The following DNAAF4 variants were observed in gnomAD, a reference collection of about 807,000 sequenced individuals.
The protein encoded by DNAAF4 is dynein assembly factor 4, axonemal.
DNAAF4 carries 43 observed loss-of-function variants against 51.8 expected under a neutral mutation model. The ratio of observed to expected loss-of-function variants is 0.83; its 90% CI spans 0.65 to 1.07. The LOEUF is 1.07. Among genes scored for constraint, DNAAF4 ranks in the 50% least tolerant of loss-of-function variants. The pLI is 0.00. For synonymous variants in DNAAF4, 194 were observed against 165.6 expected (o/e 1.17, Z -1.32); for missense variants, 581 against 493.0 (o/e 1.18, Z -1.69).
At chr15:55,473,187 T>TAA (rs879351208) in intron 4 of DNAAF4, among the ~76,000 whole-genome samples, 3,061 of 27,484 alleles carry the variant, frequency 0.11, 317 homozygotes, top group East Asian at 0.18. Context: ...AAAAAAAACC[T>TAA]AAAAAAAAAA....
At chr15:55,426,418 T>A (rs1291437808), downstream of DNAAF4, among the ~76,000 whole-genome samples, 1 of 152,188 alleles carries the variant, frequency 6.6e-6, no homozygotes, top group Non-Finnish European at 1.5e-5. Context: ...CTATAATCTA[T>A]AAACTAAGTT....
intron 6 of DNAAF4, among the ~76,000 whole-genome samples, chr15:55,445,032 CTT>C (rs35988188): frequency 0.069 from 7,494 of 108,900 alleles, 205 homozygotes; most frequent in South Asian, 0.092. Flanking sequence ...ATTGAATACC[CTT>C]TTTTTTTTTT....
intron 7 of DNAAF4, among the ~76,000 whole-genome samples, chr15:55,421,758 G>A (rs948269166): frequency 4.0e-5 from 6 of 151,796 alleles, no homozygotes; most frequent in African/African-American, 7.3e-5. Flanking sequence ...GCATGGTGGC[G>A]CATGCCTGTA....
chr15:55,431,046 TG>T (rs1025962792), intron 9 of DNAAF4, among the ~76,000 whole-genome samples: 2 of 151,968 alleles, frequency 1.3e-5, no homozygotes, highest in African/African-American at 2.4e-5. Flanking sequence ...CCTGAGTAGC[TG>T]GGACTACAGG....
At chr15:55,450,764 A>G (rs140191638) in intron 5 of DNAAF4, among the ~76,000 whole-genome samples, 22 of 152,296 alleles carry the variant, frequency 1.4e-4, no homozygotes, top group Non-Finnish European at 2.5e-4. Context: ...ATGCTTTCTT[A>G]TAATAGTGTA....
chr15:55,418,643 C>T (rs987821537), intron 7 of DNAAF4: 2 of 1,017,044 alleles, frequency 2.0e-6, no homozygotes, highest in Non-Finnish European at 2.7e-6. Context: ...GGGTAGAATA[C>T]CTAATAAAGA....
intron 5 of DNAAF4, among the ~76,000 whole-genome samples, chr15:55,454,939 T>G (rs1353709850): frequency 2.6e-5 from 4 of 151,328 alleles, no homozygotes; most frequent in African/African-American, 4.8e-5. Context: ...AGATCCTGTC[T>G]CAAAAAAAAG....
At chr15:55,469,445 C>T (rs1263007688) in intron 4 of DNAAF4, among the ~76,000 whole-genome samples, 1 of 143,056 alleles carries the variant, frequency 7.0e-6, no homozygotes, top group African/African-American at 2.6e-5. Context: ...CATCACGAAA[C>T]TTGTGGGTTT....
At chr15:55,480,993 G>A (rs1012131011) in intron 4 of DNAAF4, among the ~76,000 whole-genome samples, 4 of 152,054 alleles carry the variant, frequency 2.6e-5, no homozygotes, top group Non-Finnish European at 5.9e-5. Flanking sequence ...AGATCTAATG[G>A]TTTTATAAGG....
chr15:55,441,801 T>C (rs2057719124), intron 6 of DNAAF4, among the ~76,000 whole-genome samples: 1 of 152,214 alleles, frequency 6.6e-6, no homozygotes, highest in African/African-American at 2.4e-5. Flanking sequence ...ATTTTCTTTT[T>C]TCTTTTTTAA....
At chr15:55,444,501 G>C (rs1435836644) in intron 6 of DNAAF4, among the ~76,000 whole-genome samples, 1 of 152,106 alleles carries the variant, frequency 6.6e-6, no homozygotes, top group Non-Finnish European at 1.5e-5. Flanking sequence ...TTGTTCTTTT[G>C]GCTTAGGATT....
chr15:55,461,269 C>T (rs899674956), intron 5 of DNAAF4, among the ~76,000 whole-genome samples: 8 of 151,740 alleles, frequency 5.3e-5, no homozygotes, highest in Admixed American at 1.3e-4. Flanking sequence ...GGGGTTTCAC[C>T]GTGTTAGCCA....
In DNAAF4 at chr15:55,498,456, C is replaced by A; in HGVS notation, c.-127G>T. The stretch of plus-strand genomic sequence containing the variant: ...CCGGCCGGGAGCCCGGCGTTCCCAG[C>A]GTGCTCCGGCGCCAGCACCTCGCGG... On this transcript the variant is annotated 5_prime_UTR_variant, in exon 2 of 10. Coordinates refer to ENST00000321149, the MANE Select transcript of DNAAF4 (RefSeq NM_130810.4). 2 of 1,406,900 alleles carry A rather than the reference C, an allele frequency of 1.4e-6. No homozygotes were observed. Among genetic ancestry groups the A allele is most frequent in the Non-Finnish European group, 1.9e-6 (2 of 1,064,958 alleles). The allele number at this position is 1,406,900 out of a possible 1,614,324, so 87.2% of individuals were successfully genotyped here.
At chr15:55,484,600 G>A (rs910111924) in intron 4 of DNAAF4, among the ~76,000 whole-genome samples, 3 of 151,942 alleles carry the variant, frequency 2.0e-5, no homozygotes, top group Non-Finnish European at 2.9e-5. Context: ...TTTTATACTC[G>A]TGTATATTAG....
chr15:55,429,280 G>C (rs545825021), downstream of DNAAF4, among the ~76,000 whole-genome samples: 3 of 151,672 alleles, frequency 2.0e-5, no homozygotes, highest in Admixed American at 6.6e-5. Context: ...TGCACTTTGG[G>C]AGGCCGAGGC....
At chr15:55,504,909 A>C (rs1379775958) in intron 1 of DNAAF4, among the ~76,000 whole-genome samples, 3 of 152,232 alleles carry the variant, frequency 2.0e-5, no homozygotes, top group African/African-American at 7.2e-5. Flanking sequence ...ACAAAAGCCA[A>C]AATTGACAAA....
rs375847604 is a variant in DNAAF4 at position 55,430,704 on chromosome 15, C to T, written c.1229G>A (p.Arg410Gln). 18 of 1,612,868 alleles carry T rather than the reference C, an allele frequency of 1.1e-5. No individual in the cohort carries two copies. The East Asian group carries it at 2.9e-4, about 26-fold the overall frequency. The change falls in exon 10 of 10, where the codon CGG becomes CAG. Residue 410 changes from arginine (R) to glutamine (Q), a missense_variant. Physicochemically the swap from Arg to Gln is conservative, Grantham distance 43. Coordinates refer to ENST00000321149, the MANE Select transcript of DNAAF4 (RefSeq NM_130810.4). ...KIVQIDAEKI[R>Q]NVIQGTELKS Reference sequence around the variant, plus strand: ...TAGTTCTGTTCCTTGAATTACATTCCGAATCTTCTCAGCATCAATTTGTAC... The same window carrying T: ...TAGTTCTGTTCCTTGAATTACATTCTGAATCTTCTCAGCATCAATTTGTAC...
At chr15:55,442,410 C>T (rs1389521429) in intron 6 of DNAAF4, among the ~76,000 whole-genome samples, 2 of 152,196 alleles carry the variant, frequency 1.3e-5, no homozygotes, top group Admixed American at 6.5e-5. Context: ...TGAGCCACAG[C>T]GCCCTGACTG....
intron 5 of DNAAF4, among the ~76,000 whole-genome samples, chr15:55,450,740 A>C (rs1236005102): frequency 6.6e-6 from 1 of 152,142 alleles, no homozygotes; most frequent in Admixed American, 6.6e-5. Flanking sequence ...TCTCCTACAT[A>C]CTTTATCTCC....
Sources: allele counts gnomAD v4.1 joint callset (sites outside exome capture counted in the v4.1 genomes callset), GRCh38; gene constraint gnomAD v4.1.1; transcripts MANE v1.5; gene names NCBI Gene and HGNC (gene_info 2026-07-23, HGNC 2026-07-21).